ERLIN2: variants seen among roughly 807,000 people sequenced by gnomAD.
ERLIN2 encodes erlin-2.
A neutral mutation model predicts 41.5 loss-of-function variants in ERLIN2; 22 were observed. That is an observed-to-expected ratio of 0.53 (90% CI 0.38 to 0.76). The LOEUF is 0.76. ERLIN2 is among the 30% of genes least tolerant of loss of function. The pLI is 0.00. For synonymous variants in ERLIN2, 149 were observed against 150.9 expected (o/e 0.99, Z 0.09); for missense variants, 247 against 414.3 (o/e 0.60, Z 3.51).
intron 6 of ERLIN2, among the ~76,000 whole-genome samples, chr8:37,746,803 G>T (rs1006830842): frequency 2.0e-5 from 3 of 152,204 alleles, no homozygotes; most frequent in African/African-American, 7.2e-5. Flanking sequence ...GCTTTATGCA[G>T]ATTCTGGTTT....
At chr8:37,750,919 C>T (rs891730595) in intron 9 of ERLIN2, among the ~76,000 whole-genome samples, 1 of 152,100 alleles carries the variant, frequency 6.6e-6, no homozygotes, top group Non-Finnish European at 1.5e-5. Context: ...TGGGGTGTCA[C>T]CATGTTGGCC....
In ERLIN2 at chr8:37,754,059, A is replaced by G; in HGVS notation, c.964A>G (p.Lys322Glu). 6.2e-7 allele frequency: 1 copy of G among 1,614,196 alleles called. No individual in the cohort carries two copies. Among genetic ancestry groups the G allele is most frequent in the East Asian group, 2.2e-5 (1 of 44,884 alleles). ...VSKQFEGLAD[K>E]LSFGLEDEPL... ...CAAGCAGTTTGAGGGGCTAGCTGAC[A>G]AGCTAAGCTTTGGCTTAGAAGATGA... is the stretch of plus-strand genomic sequence containing the variant. The change falls in exon 12 of 12, where the codon AAG (lysine) becomes GAG (glutamate). Residue 322 changes from lysine to glutamate, a missense_variant. By Grantham distance (56) the Lys-to-Glu change is moderately conservative. This residue lies in a region of ERLIN2 where 153 missense variants were observed against 256.4 expected (regional missense o/e 0.60). Transcript: ENST00000519638.
Position 37,757,030 on chromosome 8 carries a change from G to A in ERLIN2, c.*2915G>A, listed in dbSNP as rs1803374606. The A allele has an allele frequency of 6.6e-6, 1 of 152,108 alleles. No individual in the cohort carries two copies. The allele number at this position is 152,108 out of a possible 1,614,324, so 9.4% of individuals were successfully genotyped here. On this transcript the variant is annotated 3_prime_UTR_variant, in exon 12 of 12. Coordinates refer to ENST00000519638, the MANE Select transcript of ERLIN2 (RefSeq NM_007175.8). Reference sequence around the variant, plus strand: ...ATAACTAAAATAAAATAGATGTGGAGGGATCTGTGATCATATAAAAAGGGA... The same window carrying A: ...ATAACTAAAATAAAATAGATGTGGAAGGATCTGTGATCATATAAAAAGGGA...
In ERLIN2 at chr8:37,749,588, T is replaced by C; in HGVS notation, c.454T>C (p.Leu152=). 6.2e-7 allele frequency: 1 copy of C among 1,613,954 alleles called. No homozygotes were observed. The highest frequency in any genetic ancestry group is 8.5e-7 in the Non-Finnish European group (1 of 1,179,806). ...DQIDENLKLA[L]QQDLTSMAPG... ...GATTGATGAAAATCTCAAACTGGCT[T>C]TGCAACAGGACCTGACCTCCATGGC... Residue 152 remains leucine (L), a synonymous_variant, in exon 7 of 12, where the codon TTG becomes CTG. Transcript: ENST00000519638.
At chr8:37,744,138 G>A (rs1262314089) in intron 4 of ERLIN2, among the ~76,000 whole-genome samples, 2 of 152,160 alleles carry the variant, frequency 1.3e-5, no homozygotes, top group Non-Finnish European at 2.9e-5. Context: ...TCATGTCTTT[G>A]TAGAGATGTT....
At chr8:37,739,149 T>G (rs188587346) in intron 2 of ERLIN2, among the ~76,000 whole-genome samples, 1 of 152,256 alleles carries the variant, frequency 6.6e-6, no homozygotes, top group Non-Finnish European at 1.5e-5. Flanking sequence ...TATGTGCTGT[T>G]GTGATGCTTG....
Position 37,754,199 on chromosome 8 carries a change from A to G in ERLIN2, c.*84A>G. On this transcript the variant is annotated 3_prime_UTR_variant, in exon 12 of 12. Coordinates refer to ENST00000519638, the MANE Select transcript of ERLIN2 (RefSeq NM_007175.8). The stretch of plus-strand genomic sequence containing the variant: ...TCAGAATGTTCCTCCCTCCCCGACT[A>G]CCTTCTCTGACTGTCTTCCAGTTAC... 1 of 958,002 alleles carries G rather than the reference A, an allele frequency of 1.0e-6. No individual in the cohort carries two copies. The highest frequency in any genetic ancestry group is 1.4e-5 in the South Asian group (1 of 72,200). The allele number at this position is 958,002 out of a possible 1,614,324, so 59.3% of individuals were successfully genotyped here.
Position 37,744,626 on chromosome 8 carries a change from C to T in ERLIN2, c.354C>T (p.Asn118=), listed in dbSNP as rs1031026835. The change falls in exon 6 of 12, where the codon AAC becomes AAT. Residue 118 remains asparagine (N), a synonymous_variant. Coordinates refer to ENST00000519638, the MANE Select transcript of ERLIN2 (RefSeq NM_007175.8). ...TADYDKALIF[N]KIHHELNQFC... ...ACTATGACAAGGCCCTCATCTTCAA[C>T]AAGATCCACCACGAACTGAACCAGT... 6 of 1,613,934 alleles carry T rather than the reference C, an allele frequency of 3.7e-6. No individual in the cohort carries two copies. In the African/African-American group the frequency reaches 8.0e-5, roughly 22 times the overall value.
chr8:37,746,568 C>T (rs945139007), intron 6 of ERLIN2: 58 of 945,246 alleles, frequency 6.1e-5, no homozygotes, highest in Non-Finnish European at 7.2e-5. Context: ...GTTTATCTCA[C>T]TATCATTTAT....
chr8:37,747,504 C>T (rs751616699), intron 6 of ERLIN2: 18 of 1,612,270 alleles, frequency 1.1e-5, no homozygotes, highest in Non-Finnish European at 1.4e-5. Flanking sequence ...CCTCAATCTC[C>T]TCTTCCTCTT....
At chr8:37,745,244 T>A (rs1365395016) in intron 6 of ERLIN2, 1 of 460,552 alleles carries the variant, frequency 2.2e-6, no homozygotes, top group African/African-American at 1.9e-5. Context: ...TAGTTAATTC[T>A]AGAAGTGAGA....
intron 5 of ERLIN2, 26 bp downstream of exon 5, chr8:37,744,442 C>A: frequency 6.2e-7 from 1 of 1,611,944 alleles, no homozygotes; most frequent in Non-Finnish European, 8.5e-7. Flanking sequence ...TTATTCCCAC[C>A]ACCAGCTCAC....
Position 37,756,461 on chromosome 8 carries a change from G to T in ERLIN2, c.*2346G>T, listed in dbSNP as rs79241962. ...AGGTCTTAACTTGAGGGCCTCTCCG[G>T]TACTAACATCCTGCGATAGCTTGTC... On this transcript the variant is annotated 3_prime_UTR_variant, in exon 12 of 12. Transcript: ENST00000519638. 3.1e-3 allele frequency: 474 copies of T among 152,662 alleles called. 2 individuals carry two copies. The highest frequency in any genetic ancestry group is 5.3e-3 in the Non-Finnish European group (358 of 68,032). 9.5% of individuals were successfully genotyped at this position (152,662 alleles called of 1,614,324 possible). A position where few individuals can be genotyped will look rare whatever the true frequency, so the allele number is the denominator to read the frequency against.
intron 1 of ERLIN2, chr8:37,737,578 A>G (rs1036482333): frequency 8.5e-6 from 3 of 350,940 alleles, no homozygotes; most frequent in South Asian, 5.1e-5. Context: ...CTGGTAGGAA[A>G]GGTTCAGTGA....
At position 37,753,457 on chromosome 8, in the gene ERLIN2, A is replaced by C; in HGVS notation, c.747A>C (p.Ala249=). The C allele has an allele frequency of 6.2e-7, 1 of 1,614,056 alleles. No homozygotes were observed. The highest frequency in any genetic ancestry group is 8.5e-7 in the Non-Finnish European group (1 of 1,179,960). ...EKKISEIEDA[A]FLAREKAKAD... Reference sequence around the variant, plus strand: ...GCACTCCTTCCCCCTCAGATGCTGCATTTCTGGCCCGGGAGAAGGCAAAGG... The same window carrying C: ...GCACTCCTTCCCCCTCAGATGCTGCCTTTCTGGCCCGGGAGAAGGCAAAGG... Residue 249 remains alanine (A), a synonymous_variant, in exon 11 of 12, where the codon GCA becomes GCC. Coordinates refer to ENST00000519638, the MANE Select transcript of ERLIN2 (RefSeq NM_007175.8).
chr8:37,744,833 C>T (rs565755341), intron 6 of ERLIN2, 137 bp downstream of exon 6: 1 of 954,952 alleles, frequency 1.0e-6, no homozygotes, highest in South Asian at 1.4e-5. Flanking sequence ...ATCTTGTGCT[C>T]AGGAGCTGGT....
At chr8:37,740,317 G>A (rs1429399912) in intron 2 of ERLIN2, 48 bp from the exon 3 acceptor site, 2 of 1,332,422 alleles carry the variant, frequency 1.5e-6, no homozygotes, top group Admixed American at 3.4e-5. Flanking sequence ...ATCTAACAGA[G>A]CCTTCTTGCC....
chr8:37,745,922 C>T (rs1407692033), intron 6 of ERLIN2: 1 of 1,134,866 alleles, frequency 8.8e-7, no homozygotes, highest in Admixed American at 4.4e-5. Flanking sequence ...TGTGACATTA[C>T]ATGAACATTT....
At chr8:37,746,181 T>C (rs1803042773) in intron 6 of ERLIN2, 1 of 988,016 alleles carries the variant, frequency 1.0e-6, no homozygotes, top group Non-Finnish European at 1.2e-6. Flanking sequence ...GAGGAGCTCA[T>C]GTCTCTAGTC....
Sources: allele counts gnomAD v4.1 joint callset (sites outside exome capture counted in the v4.1 genomes callset), GRCh38; gene constraint gnomAD v4.1.1; regional missense constraint gnomAD v4.1.1; transcripts MANE v1.5; gene names NCBI Gene and HGNC (gene_info 2026-07-23, HGNC 2026-07-21).